Variants in NRXN3 observed in about 807,000 individuals in gnomAD.
NRXN3 encodes the protein neurexin III.
NRXN3 carries 32 observed loss-of-function variants against 137.6 expected under a neutral mutation model. The observed-to-expected ratio is 0.23, with a 90% confidence interval of 0.18 to 0.31. NRXN3 has a LOEUF of 0.31. Ranked by LOEUF, NRXN3 falls within the 10% of genes least tolerant of loss-of-function variation. NRXN3 has a pLI of 1.00. For missense variants in NRXN3, 1,574 were observed against 2,062.5 expected (o/e 0.76, Z 4.59); for synonymous variants, 798 against 784.5 (o/e 1.02, Z -0.29).
rs11419735 is a variant in NRXN3, at chr14:79,590,416, T to TAAAAAAAAAAAAAAAAAAAA, written c.3445-73359_3445-73340dup. 4.9e-4 allele frequency among the ~76,000 whole-genome samples: 45 copies of TAAAAAAAAAAAAAAAAAAAA among 92,264 alleles called. 3 individuals carry two copies. Among genetic ancestry groups the TAAAAAAAAAAAAAAAAAAAA allele is most frequent in the Middle Eastern group, 9.1e-3 (1 of 110 alleles). The allele number at this position is 92,264 out of a possible 152,430, so 60.5% of individuals were successfully genotyped here. On this transcript the variant is annotated intron_variant, in intron 16 of 20. Transcript: ENST00000335750. ...TCCATTAAACCTTTCTTTCTTTTGTTAAAAAAAAAAAAAAAAAAAAAAGAT... is the reference window on the plus strand; with the variant it reads ...TCCATTAAACCTTTCTTTCTTTTGTTAAAAAAAAAAAAAAAAAAAAAAAAAAAAAAAAAAAAAAAAAAGAT...
intron 16 of NRXN3, among the ~76,000 whole-genome samples, chr14:79,657,456 G>T (rs1326502537): frequency 6.6e-6 from 1 of 152,158 alleles, no homozygotes; most frequent in Admixed American, 6.6e-5. Flanking sequence ...GTCAGTTTGG[G>T]TGATTTCTGA....
intron 4 of NRXN3, among the ~76,000 whole-genome samples, chr14:78,604,779 C>T (rs2152448579): frequency 6.6e-6 from 1 of 152,290 alleles, no homozygotes; most frequent in South Asian, 2.1e-4. Flanking sequence ...AAACCTTTTA[C>T]CCTCTAGGCT....
intron 16 of NRXN3, among the ~76,000 whole-genome samples, chr14:79,606,799 C>T (rs963107837): frequency 1.3e-5 from 2 of 152,206 alleles, no homozygotes; most frequent in Admixed American, 6.5e-5. Context: ...CAAGCTAATA[C>T]ATGGGTACCA....
chr14:78,172,709 G>T (rs2058847110), intron 1 of NRXN3, among the ~76,000 whole-genome samples: 1 of 152,084 alleles, frequency 6.6e-6, no homozygotes, highest in Non-Finnish European at 1.5e-5. Context: ...ACAGGGCTGG[G>T]TTTATTTTTT....
At chr14:79,252,246 C>T (rs1446448549) in intron 15 of NRXN3, among the ~76,000 whole-genome samples, 2 of 152,144 alleles carry the variant, frequency 1.3e-5, no homozygotes, top group Non-Finnish European at 2.9e-5. Context: ...TGCATAATAA[C>T]CAGAAATCGA....
At chr14:79,241,404 G>A (rs2074265091) in intron 15 of NRXN3, among the ~76,000 whole-genome samples, 1 of 152,160 alleles carries the variant, frequency 6.6e-6, no homozygotes, top group Admixed American at 6.5e-5. Flanking sequence ...TGGCTAGGGA[G>A]GCCTCACAAT....
chr14:79,464,762 G>T lies in NRXN3; in HGVS notation c.3263-2459G>T, dbSNP rs539197780. ...TATGTGGTGAAAAAAGGCTTTCAGA[G>T]GTAGAAGGCTCAGGCTGGAGACTTG... On this transcript the variant is annotated intron_variant, in intron 15 of 20. Coordinates refer to ENST00000335750, the MANE Select transcript of NRXN3 (RefSeq NM_001330195.2). 5.3e-5 allele frequency among the ~76,000 whole-genome samples: 8 copies of T among 152,262 alleles called. No individual in the cohort carries two copies. In the East Asian group the frequency reaches 1.5e-3, roughly 29 times the overall value.
At chr14:78,978,824 T>C (rs1027909993) in intron 14 of NRXN3, among the ~76,000 whole-genome samples, 1 of 150,694 alleles carries the variant, frequency 6.6e-6, no homozygotes, top group Non-Finnish European at 1.5e-5. Flanking sequence ...TTGGCTCACA[T>C]GATTATGGAG....
At chr14:79,304,224 A>G (rs1170148136) in intron 15 of NRXN3, among the ~76,000 whole-genome samples, 1 of 152,064 alleles carries the variant, frequency 6.6e-6, no homozygotes, top group East Asian at 1.9e-4. Context: ...ATTCAGCAGC[A>G]GGGTGAGTGT....
At chr14:79,791,928 A>G (rs1163350764) in intron 19 of NRXN3, among the ~76,000 whole-genome samples, 1 of 152,202 alleles carries the variant, frequency 6.6e-6, no homozygotes, top group African/African-American at 2.4e-5. Flanking sequence ...TGTCTGCAAT[A>G]GTCATCTTCC....
chr14:78,818,024 C>A (rs1048447326), intron 10 of NRXN3, among the ~76,000 whole-genome samples: 1 of 151,894 alleles, frequency 6.6e-6, no homozygotes, highest in Non-Finnish European at 1.5e-5. Context: ...AAATACCCAG[C>A]CAATGTAGAA....
chr14:78,760,176 C>T (rs1374424026), intron 8 of NRXN3, among the ~76,000 whole-genome samples: 1 of 150,580 alleles, frequency 6.6e-6, no homozygotes, highest in Non-Finnish European at 1.5e-5. Flanking sequence ...TCCTGAGTAG[C>T]TGGGACTAGG....
intron 4 of NRXN3, among the ~76,000 whole-genome samples, chr14:78,443,819 C>A (rs2094331713): frequency 6.6e-6 from 1 of 152,140 alleles, no homozygotes; most frequent in Non-Finnish European, 1.5e-5. Flanking sequence ...TTATTTTCTC[C>A]CTCATACCCA....
chr14:79,434,498 G>A (rs190990905), intron 15 of NRXN3, among the ~76,000 whole-genome samples: 43 of 152,316 alleles, frequency 2.8e-4, no homozygotes, highest in African/African-American at 3.8e-4. Context: ...GCCCATGGCC[G>A]GAAATGCTAT....
At chr14:78,660,402 C>T (rs1461356898) in intron 6 of NRXN3, among the ~76,000 whole-genome samples, 2 of 151,960 alleles carry the variant, frequency 1.3e-5, no homozygotes, top group African/African-American at 4.8e-5. Context: ...AGCATGTGAT[C>T]CCTAAATCAA....
chr14:79,541,458 A>T (rs1054537304), intron 16 of NRXN3, among the ~76,000 whole-genome samples: 1 of 152,214 alleles, frequency 6.6e-6, no homozygotes, highest in Non-Finnish European at 1.5e-5. Context: ...ATCCAGGATG[A>T]TCTCATCTAG....
chr14:78,840,609 G>A (rs1404954701), intron 10 of NRXN3, among the ~76,000 whole-genome samples: 1 of 152,038 alleles, frequency 6.6e-6, no homozygotes, highest in Non-Finnish European at 1.5e-5. Context: ...TCATTGTTAA[G>A]GGACCTAGAC....
At chr14:78,341,316 AG>A (rs2082125953) in intron 4 of NRXN3, among the ~76,000 whole-genome samples, 1 of 152,108 alleles carries the variant, frequency 6.6e-6, no homozygotes, top group Non-Finnish European at 1.5e-5. Flanking sequence ...AGTTTGGGGT[AG>A]GGCCCAAGAT....
At chr14:78,694,274 T>G (rs1278911358) in intron 6 of NRXN3, among the ~76,000 whole-genome samples, 1 of 152,064 alleles carries the variant, frequency 6.6e-6, no homozygotes, top group Non-Finnish European at 1.5e-5. Flanking sequence ...AGCATGACAC[T>G]CAATAAATAT....
Sources: gnomAD v4.1 joint callset for allele counts (sites outside exome capture counted in the v4.1 genomes callset) on GRCh38, gnomAD v4.1.1 for gene constraint, MANE v1.5 for transcripts, NCBI Gene and HGNC (gene_info 2026-07-23, HGNC 2026-07-21) for gene names.